The following PPP1CB variants were observed in gnomAD, a reference collection of about 807,000 sequenced individuals.
PPP1CB encodes the protein protein phosphatase 1 catalytic subunit beta.
Under a neutral mutation model 43.7 loss-of-function variants are expected in PPP1CB, and 2 were observed. That is an observed-to-expected ratio of 0.05 (90% CI 0.02 to 0.14). The LOEUF (loss-of-function observed/expected upper bound fraction) is 0.14. PPP1CB is among the 10% of genes least tolerant of loss of function. The pLI, the probability that PPP1CB is intolerant of heterozygous loss-of-function variation, is 1.00. For synonymous variants in PPP1CB, 136 were observed against 135.6 expected, an observed-to-expected ratio of 1.00 and a Z score of -0.02; for missense variants, 84 against 398.0, an observed-to-expected ratio of 0.21 and a Z score of 6.71.
In PPP1CB at chr2:28,793,892, T is replaced by C. The variant is rs1254598326; in HGVS notation, c.774T>C (p.Ala258=). 2 of 1,613,890 alleles carry C rather than the reference T, an allele frequency of 1.2e-6. No individual in the cohort carries two copies. Among genetic ancestry groups the C allele is most frequent in the East Asian group, 2.2e-5 (1 of 44,880 alleles). The change falls in exon 7 of 8, where the codon GCT becomes GCC. Residue 258 remains alanine (A), a synonymous_variant. Coordinates refer to ENST00000395366, the MANE Select transcript of PPP1CB (RefSeq NM_002709.3). The part of the protein sequence containing the change: ...QVVEDGYEFF[A]KRQLVTLFSA... ...TGGAAGATGGATATGAATTTTTTGCTAAACGACAGTTGGTAACCTTATTTT... is the reference window on the plus strand; with the variant it reads ...TGGAAGATGGATATGAATTTTTTGCCAAACGACAGTTGGTAACCTTATTTT...
At chr2:28,785,566 G>C (rs1667249160) in intron 5 of PPP1CB, among the ~76,000 whole-genome samples, 1 of 152,000 alleles carries the variant, frequency 6.6e-6, no homozygotes, top group African/African-American at 2.4e-5. Context: ...AATTCCAACA[G>C]TTTGGGAGGC....
chr2:28,795,053 C>T (rs768881024), intron 7 of PPP1CB, among the ~76,000 whole-genome samples: 49 of 152,202 alleles, frequency 3.2e-4, no homozygotes, highest in Non-Finnish European at 6.8e-4. Context: ...TCCATGTTTA[C>T]CCAGTGTTTA....
At chr2:28,784,411 C>G (rs1667216631) in intron 5 of PPP1CB, among the ~76,000 whole-genome samples, 1 of 152,024 alleles carries the variant, frequency 6.6e-6, no homozygotes. Context: ...TCTATGTCCT[C>G]TATTTGAAAT....
rs550737724 is a variant in PPP1CB, at chr2:28,784,450, G to A, written c.592+472G>A. On this transcript the variant is annotated intron_variant, in intron 5 of 7. Coordinates refer to ENST00000395366, the MANE Select transcript of PPP1CB (RefSeq NM_002709.3). Reference sequence around the variant, plus strand: ...TAGAGCTTTTTTTCAAGGGGGTGTGGGAGGGATTTCAATCTGTTGCCCAGG... The same window carrying A: ...TAGAGCTTTTTTTCAAGGGGGTGTGAGAGGGATTTCAATCTGTTGCCCAGG... Among the ~76,000 whole-genome samples the A allele has an allele frequency of 3.7e-3, 566 of 152,032 alleles. 2 individuals carry two copies. The highest frequency in any genetic ancestry group is 6.0e-3 in the Non-Finnish European group (405 of 67,968).
chr2:28,762,245 A>G (rs1011801195), intron 1 of PPP1CB, among the ~76,000 whole-genome samples: 30 of 152,278 alleles, frequency 2.0e-4, no homozygotes, highest in African/African-American at 6.5e-4. Flanking sequence ...AGATTGCGCC[A>G]CTGCACTCCA....
chr2:28,792,478 C>T (rs1667409105), intron 6 of PPP1CB, among the ~76,000 whole-genome samples: 1 of 152,124 alleles, frequency 6.6e-6, no homozygotes, highest in South Asian at 2.1e-4. Context: ...GCCAAGATTG[C>T]ACCACTACAC....
At chr2:28,799,079 A>G in intron 7 of PPP1CB, 120 bp from the exon 8 acceptor site, 2 of 657,682 alleles carry the variant, frequency 3.0e-6, no homozygotes, top group South Asian at 2.0e-5. Flanking sequence ...GAACTTTGCT[A>G]TTCTACATTT....
At chr2:28,773,232 A>T (rs1266192142) in intron 1 of PPP1CB, among the ~76,000 whole-genome samples, 1 of 152,196 alleles carries the variant, frequency 6.6e-6, no homozygotes, top group African/African-American at 2.4e-5. Flanking sequence ...AGTATGGTAG[A>T]TATTTGCTAT....
In PPP1CB at chr2:28,781,750, T is replaced by A; in HGVS notation, c.428T>A (p.Phe143Tyr). ...YGFYDECKRR[F>Y]NIKLWKTFTD... ...GTTCTTTTTACAGGCAAACGAAGAT[T>A]TAATATTAAATTGTGGAAGACCTTC... is the stretch of plus-strand genomic sequence containing the variant. The change falls in exon 4 of 8, where the codon TTT becomes TAT. Residue 143 changes from phenylalanine to tyrosine, a missense_variant. This residue lies in a region of PPP1CB where 28 missense variants were observed against 234.2 expected (regional missense o/e 0.12). Transcript: ENST00000395366. 1 of 1,601,984 alleles carries A rather than the reference T, an allele frequency of 6.2e-7. No homozygotes were observed. The highest frequency in any genetic ancestry group is 8.5e-7 in the Non-Finnish European group (1 of 1,175,206).
intron 6 of PPP1CB, among the ~76,000 whole-genome samples, chr2:28,792,405 C>T (rs1384948384): frequency 2.0e-5 from 3 of 152,004 alleles, no homozygotes; most frequent in African/African-American, 7.2e-5. Flanking sequence ...CCTGTGGTCT[C>T]AGCTACTCAG....
At chr2:28,790,371 A>T (rs1667361554) in intron 6 of PPP1CB, among the ~76,000 whole-genome samples, 1 of 151,858 alleles carries the variant, frequency 6.6e-6, no homozygotes, top group Admixed American at 6.6e-5. Flanking sequence ...GCCGAGTCTC[A>T]CTCTGTCACC....
chr2:28,791,940 G>A lies in PPP1CB; in HGVS notation c.745-1923G>A, dbSNP rs955919665. ...ATATTCCCTTTAAAAAAGAAAATTT[G>A]AAAGAATGAACAAGTAAGCAAACTA... is the stretch of plus-strand genomic sequence containing the variant. On this transcript the variant is annotated intron_variant, in intron 6 of 7. Transcript: ENST00000395366. Among the ~76,000 whole-genome samples, 3 of 152,146 alleles carry A rather than the reference G, an allele frequency of 2.0e-5. No individual in the cohort carries two copies. In the East Asian group the frequency reaches 5.8e-4, roughly 29 times the overall value.
intron 1 of PPP1CB, among the ~76,000 whole-genome samples, chr2:28,760,332 A>C (rs1407252632): frequency 2.6e-5 from 4 of 152,210 alleles, no homozygotes; most frequent in Non-Finnish European, 5.9e-5. Flanking sequence ...GCAAAGGTTA[A>C]TTTATTCTTG....
At chr2:28,767,160 C>G (rs964243873) in intron 1 of PPP1CB, among the ~76,000 whole-genome samples, 2 of 152,164 alleles carry the variant, frequency 1.3e-5, no homozygotes, top group African/African-American at 4.8e-5. Flanking sequence ...AATTAACCCA[C>G]CATTGATAAA....
At chr2:28,789,819 G>A (rs1221773777) in intron 6 of PPP1CB, among the ~76,000 whole-genome samples, 1 of 151,844 alleles carries the variant, frequency 6.6e-6, no homozygotes, top group African/African-American at 2.4e-5. Flanking sequence ...GGCTGCCCTT[G>A]AACTCCTGAG....
Position 28,776,943 on chromosome 2 carries a change from C to G in PPP1CB, c.145C>G (p.Pro49Ala). Residue 49 changes from proline (P) to alanine (A), a missense_variant, in exon 2 of 8, where the codon CCT becomes GCT. This residue lies in a region of PPP1CB where 28 missense variants were observed against 234.2 expected (regional missense o/e 0.12). Coordinates refer to ENST00000395366, the MANE Select transcript of PPP1CB (RefSeq NM_002709.3). ...GTCTCGGGAGATCTTTCTCAGCCAG[C>G]CTATTCTTTTGGAATTGGAAGCACC... is the stretch of plus-strand genomic sequence containing the variant. ...IKSREIFLSQ[P>A]ILLELEAPLK... 3.1e-6 allele frequency: 5 copies of G among 1,612,994 alleles called. No individual in the cohort carries two copies. Among genetic ancestry groups the G allele is most frequent in the Non-Finnish European group, 4.2e-6 (5 of 1,179,332 alleles).
intron 5 of PPP1CB, among the ~76,000 whole-genome samples, chr2:28,786,882 A>G (rs190059998): frequency 4.8e-4 from 73 of 151,974 alleles, no homozygotes; most frequent in African/African-American, 1.7e-3. Context: ...GTGGGTGTAT[A>G]TTTTCGAAGA....
At chr2:28,797,723 C>T (rs1189774186) in intron 7 of PPP1CB, among the ~76,000 whole-genome samples, 1 of 152,114 alleles carries the variant, frequency 6.6e-6, no homozygotes, top group Non-Finnish European at 1.5e-5. Context: ...TGGATCTTTT[C>T]TTAATCTAGC....
chr2:28,765,733 A>G (rs1251906488), intron 1 of PPP1CB, among the ~76,000 whole-genome samples: 5 of 152,144 alleles, frequency 3.3e-5, no homozygotes, highest in African/African-American at 1.2e-4. Flanking sequence ...CCTGGGCAAC[A>G]TAGTGAGACC....
Sources: allele counts gnomAD v4.1 joint callset (sites outside exome capture counted in the v4.1 genomes callset), GRCh38; gene constraint gnomAD v4.1.1; regional missense constraint gnomAD v4.1.1; transcripts MANE v1.5; gene names NCBI Gene and HGNC (gene_info 2026-07-23, HGNC 2026-07-21).